TRIO: variants seen among roughly 807,000 people sequenced by gnomAD.
The protein encoded by TRIO is triple functional domain protein.
Under a neutral mutation model 351.9 loss-of-function variants are expected in TRIO, and 58 were observed. That is an observed-to-expected ratio of 0.16 (90% CI 0.13 to 0.21). The LOEUF (loss-of-function observed/expected upper bound fraction) is 0.21. TRIO is among the 10% of genes least tolerant of loss of function. TRIO has a pLI of 1.00. For synonymous variants in TRIO, 1,758 were observed against 1,595.7 expected, an observed-to-expected ratio of 1.10 and a Z score of -2.42; for missense variants, 3,201 against 4,027.8, an observed-to-expected ratio of 0.79 and a Z score of 5.56.
chr5:14,439,457 A>AG (rs1244818456), intron 34 of TRIO, among the ~76,000 whole-genome samples: 1 of 152,224 alleles, frequency 6.6e-6, no homozygotes, highest in African/African-American at 2.4e-5. Flanking sequence ...ATTCCCTGAC[A>AG]GCTCTTTTTT....
In TRIO at chr5:14,402,989, G is replaced by GGTGGTGAGGGTGCAGGTT. The variant is rs1561446609; in HGVS notation, c.4716+1937_4716+1954dup. ...TTTTAATGGTAGTAAGGTTGGAGAT[G>GGTGGTGAGGGTGCAGGTT]GTGGTGAGGGTGCAGGTTGTGGTGA... On this transcript the variant is annotated intron_variant, in intron 31 of 56. Coordinates refer to ENST00000344204, the MANE Select transcript of TRIO (RefSeq NM_007118.4). Among the ~76,000 whole-genome samples, 16 of 152,142 alleles carry GGTGGTGAGGGTGCAGGTT rather than the reference G, an allele frequency of 1.1e-4. No homozygotes were observed. The East Asian group carries it at 2.3e-3, about 22-fold the overall frequency.
chr5:14,480,418 C>G (rs1037319659), intron 43 of TRIO, among the ~76,000 whole-genome samples: 2 of 152,078 alleles, frequency 1.3e-5, no homozygotes, highest in Non-Finnish European at 2.9e-5. Flanking sequence ...CACCACAGAC[C>G]TTGGAATGCT....
intron 11 of TRIO, among the ~76,000 whole-genome samples, chr5:14,343,563 C>A (rs73748811): frequency 0.034 from 5,187 of 152,232 alleles, 325 homozygotes; most frequent in African/African-American, 0.12. Flanking sequence ...CTTTGACACA[C>A]CCACTTTGTC....
At chr5:14,453,888 G>C in intron 34 of TRIO, among the ~76,000 whole-genome samples, 1 of 152,098 alleles carries the variant, frequency 6.6e-6, no homozygotes, top group Non-Finnish European at 1.5e-5. Flanking sequence ...GGTGATAGGA[G>C]TTGAGGGAAA....
Position 14,497,808 on chromosome 5 carries a change from C to T in TRIO, c.8020-39C>T. 1 of 1,613,622 alleles carries T rather than the reference C, an allele frequency of 6.2e-7. No individual in the cohort carries two copies. Among genetic ancestry groups the T allele is most frequent in the Non-Finnish European group, 8.5e-7 (1 of 1,179,510 alleles). On this transcript the variant is annotated intron_variant, in intron 50 of 56. Coordinates refer to ENST00000344204, the MANE Select transcript of TRIO (RefSeq NM_007118.4). The surrounding 1 kb of genome is among the most constrained non-coding windows in gnomAD (Gnocchi z 4.4). ...ATGAAAGGAATACACCTTAAAGTAGCTCATTTCAGTTAATGCTTGTTTGCT... is the reference window on the plus strand; with the variant it reads ...ATGAAAGGAATACACCTTAAAGTAGTTCATTTCAGTTAATGCTTGTTTGCT...
chr5:14,254,237 G>A (rs1794905965), intron 1 of TRIO, among the ~76,000 whole-genome samples: 1 of 151,198 alleles, frequency 6.6e-6, no homozygotes, highest in Admixed American at 6.6e-5. Context: ...AGGCTGGAGT[G>A]CGATGGCATG....
chr5:14,381,091 G>A (rs1340475514), intron 20 of TRIO, 39 bp from the exon 21 acceptor site: 13 of 1,598,278 alleles, frequency 8.1e-6, no homozygotes, highest in Non-Finnish European at 1.0e-5. Context: ...TCTCAGGAAT[G>A]TGTAGCCCTC....
chr5:14,303,767 C>G (rs901316711), intron 7 of TRIO, among the ~76,000 whole-genome samples: 3 of 152,178 alleles, frequency 2.0e-5, no homozygotes, highest in African/African-American at 7.2e-5. Flanking sequence ...GTTCGCATGG[C>G]TCAGGCTTTT....
At chr5:14,406,101 T>C in intron 32 of TRIO, 111 bp downstream of exon 32, 2 of 1,410,212 alleles carry the variant, frequency 1.4e-6, no homozygotes, top group Non-Finnish European at 1.9e-6. Flanking sequence ...GAGGAATACA[T>C]TTTTTAAACT....
intron 34 of TRIO, among the ~76,000 whole-genome samples, chr5:14,452,280 TC>T (rs1243800267): frequency 6.6e-6 from 1 of 152,244 alleles, no homozygotes; most frequent in African/African-American, 2.4e-5. Context: ...CCTGCTTTCT[TC>T]CTCAGCCTTC....
chr5:14,256,390 A>G (rs925083989), intron 1 of TRIO, among the ~76,000 whole-genome samples: 1 of 152,150 alleles, frequency 6.6e-6, no homozygotes, highest in Admixed American at 6.5e-5. Flanking sequence ...GGAGGGAACA[A>G]AACATCCAAA....
At position 14,386,183 on chromosome 5, in the gene TRIO, T is replaced by C. The variant is rs528524530; in HGVS notation, c.3571-1255T>C. ...GGCCCGCTAAGAGAGTGGCGTTTAT[T>C]TGAGTAGAGACATGAAGGAGCCATA... On this transcript the variant is annotated intron_variant, in intron 21 of 56. Transcript: ENST00000344204. 6.6e-5 allele frequency among the ~76,000 whole-genome samples: 10 copies of C among 152,216 alleles called. No homozygotes were observed. In the East Asian group the frequency reaches 1.5e-3, roughly 23 times the overall value.
chr5:14,252,714 T>C (rs1197955844), intron 1 of TRIO, among the ~76,000 whole-genome samples: 1 of 152,232 alleles, frequency 6.6e-6, no homozygotes, highest in Non-Finnish European at 1.5e-5. Flanking sequence ...TACAGATTTT[T>C]ATTTTTAAAC....
In TRIO at chr5:14,381,233, A is replaced by T; in HGVS notation, c.3551A>T (p.Glu1184Val). Residue 1184 changes from glutamate to valine, a missense_variant, in exon 21 of 57, where the codon GAG (glutamate) becomes GTG (valine). Physicochemically the swap from Glu to Val is moderately radical, Grantham distance 121. Around this residue, in one of 19 missense-constraint regions of TRIO, gnomAD observed 201 missense variants for 266.5 expected, o/e 0.75. Coordinates refer to ENST00000344204, the MANE Select transcript of TRIO (RefSeq NM_007118.4). ...HTQELLKEHE[E>V]FQITAKQTKE... ...CAGGAGCTCCTGAAAGAGCACGAGG[A>T]GTTCCAGATAACTGCAAAGGTGGGT... 1 of 1,612,280 alleles carries T rather than the reference A, an allele frequency of 6.2e-7. No individual in the cohort carries two copies. The highest frequency in any genetic ancestry group is 1.3e-5 in the African/African-American group (1 of 74,892).
At chr5:14,409,906 G>A (rs1017932783) in intron 33 of TRIO, among the ~76,000 whole-genome samples, 4 of 149,160 alleles carry the variant, frequency 2.7e-5, no homozygotes, top group Non-Finnish European at 4.4e-5. Context: ...CTCCAGCCCC[G>A]CTCCTGGGAG....
chr5:14,481,850 T>C (rs1001947473), intron 45 of TRIO: 2 of 487,338 alleles, frequency 4.1e-6, no homozygotes, highest in East Asian at 3.6e-5. Context: ...CAGTGTCTCA[T>C]GGCAGAAACA....
chr5:14,484,811 C>T (rs568234408), intron 46 of TRIO, among the ~76,000 whole-genome samples: 1 of 152,256 alleles, frequency 6.6e-6, no homozygotes, highest in South Asian at 2.1e-4. Context: ...TTCCTATCCC[C>T]ACATTTGACT....
chr5:14,455,095 G>T (rs1030565666), intron 34 of TRIO, among the ~76,000 whole-genome samples: 4 of 152,280 alleles, frequency 2.6e-5, no homozygotes, highest in African/African-American at 9.6e-5. Context: ...GCTCATAAAG[G>T]CAGTGCGGAC....
chr5:14,396,944 A>G, intron 28 of TRIO, 99 bp from the exon 29 acceptor site: 1 of 977,656 alleles, frequency 1.0e-6, no homozygotes, highest in Non-Finnish European at 1.5e-6. Context: ...TTCTGTTTTT[A>G]TCTTGAAAGC....
Sources: allele counts gnomAD v4.1 joint callset (sites outside exome capture counted in the v4.1 genomes callset), GRCh38; gene constraint gnomAD v4.1.1; regional missense constraint gnomAD v4.1.1; non-coding constraint Gnocchi (gnomAD v3.1); transcripts MANE v1.5; gene names NCBI Gene and HGNC (gene_info 2026-07-23, HGNC 2026-07-21).